FBXO16: variants seen among roughly 807,000 people sequenced by gnomAD.
FBXO16 encodes the protein F-box only protein 16.
FBXO16 carries 31 observed loss-of-function variants against 41.0 expected under a neutral mutation model. The observed-to-expected ratio is 0.76, with a 90% CI of 0.57 to 1.02. The LOEUF is 1.02. Among genes scored for constraint, FBXO16 ranks in the 50% least tolerant of loss-of-function variants. The pLI, the probability that FBXO16 is intolerant of heterozygous loss-of-function variation, is 0.00. For synonymous variants in FBXO16, 133 were observed against 117.8 expected, an observed-to-expected ratio of 1.13 and a Z score of -0.84; for missense variants, 361 against 346.2, an observed-to-expected ratio of 1.04 and a Z score of -0.34.
At chr8:28,481,528 C>T (rs1388971364) in intron 2 of FBXO16, among the ~76,000 whole-genome samples, 1 of 152,086 alleles carries the variant, frequency 6.6e-6, no homozygotes, top group Non-Finnish European at 1.5e-5. Context: ...CCTGAGCATT[C>T]GTGGCGAGTG....
chr8:28,448,745 G>A lies in FBXO16; in HGVS notation c.741-1472C>T, dbSNP rs140318151. On this transcript the variant is annotated intron_variant, in intron 6 of 8. Transcript: ENST00000380254. The stretch of plus-strand genomic sequence containing the variant: ...TTTCTAAAACTCCTGTATGTATTAC[G>A]ATAAAGCAAGGATCCTCCAACCACA... 4.1e-3 allele frequency among the ~76,000 whole-genome samples: 628 copies of A among 152,212 alleles called. 3 individuals carry two copies. Among genetic ancestry groups the A allele is most frequent in the African/African-American group, 0.014 (598 of 41,524 alleles).
In FBXO16 at chr8:28,463,806, T is replaced by C. The variant is rs1316305672; in HGVS notation, c.148A>G (p.Thr50Ala). ...AGGATTCTTCTTCTTTGAGAGTCTG[T>C]CCATTTGTCAAACTGGAAACACAAA... ...ALLGKWFDKW[T>A]DSQRRRILTG... The change falls in exon 4 of 9, where the codon ACA becomes GCA. Residue 50 changes from threonine to alanine, a missense_variant. Thr to Ala is a moderately conservative substitution (Grantham distance 58). Transcript: ENST00000380254. 17 of 1,613,670 alleles carry C rather than the reference T, an allele frequency of 1.1e-5. No homozygotes were observed. The highest frequency in any genetic ancestry group is 1.3e-5 in the Non-Finnish European group (15 of 1,179,888).
chr8:28,477,599 T>C (rs7015592), intron 2 of FBXO16, among the ~76,000 whole-genome samples: 2,218 of 152,346 alleles, frequency 0.015, 59 homozygotes, highest in African/African-American at 0.05. Flanking sequence ...ATACGATACA[T>C]ATTTATGTTC....
At chr8:28,440,162 G>A (rs1802747499) in intron 7 of FBXO16, among the ~76,000 whole-genome samples, 1 of 151,902 alleles carries the variant, frequency 6.6e-6, no homozygotes, top group Non-Finnish European at 1.5e-5. Flanking sequence ...GAATGCAGTG[G>A]CACAATCATG....
At position 28,429,399 on chromosome 8, in the gene FBXO16, G is replaced by A. The variant is rs764236550; in HGVS notation, c.848C>T (p.Ser283Leu). ...TRLRKAQSMM[S>L]RRNPFPLCP ...TCACAGTGGGAAGGGATTTCTCCTC[G>A]ACATCTGGCCGCGAGCAGGAAAGGG... is the stretch of plus-strand genomic sequence containing the variant. Residue 283 changes from serine to leucine, a missense_variant, in exon 8 of 9, where the codon TCG (serine) becomes TTG (leucine). Transcript: ENST00000380254. 3.5e-5 allele frequency: 57 copies of A among 1,613,776 alleles called. No homozygotes were observed. The highest frequency in any genetic ancestry group is 1.2e-4 in the Admixed American group (7 of 59,978).
chr8:28,472,504 G>C (rs552410710), intron 3 of FBXO16, among the ~76,000 whole-genome samples: 7 of 152,182 alleles, frequency 4.6e-5, no homozygotes, highest in South Asian at 4.2e-4. Flanking sequence ...GGAGGTCAAG[G>C]GGGGGCGGGG....
chr8:28,473,727 CAGAT>C (rs1175049753), intron 3 of FBXO16, 41 bp downstream of exon 3: 4 of 1,519,256 alleles, frequency 2.6e-6, no homozygotes, highest in Non-Finnish European at 3.6e-6. Flanking sequence ...AAGATGAAAA[CAGAT>C]AACATAACAT....
intron 1 of FBXO16, among the ~76,000 whole-genome samples, chr8:28,489,558 GGT>G (rs1318563061): frequency 2.0e-5 from 3 of 151,542 alleles, no homozygotes; most frequent in East Asian, 1.9e-4. Context: ...GCCAGGTGTG[GGT>G]GTGGCGGTGG....
At chr8:28,443,023 C>T (rs1034775157) in intron 7 of FBXO16, among the ~76,000 whole-genome samples, 1 of 143,072 alleles carries the variant, frequency 7.0e-6, no homozygotes, top group Non-Finnish European at 1.5e-5. Flanking sequence ...ATTACTTGTA[C>T]TTTTTTTTTT....
At chr8:28,484,838 C>A (rs572959949) in intron 1 of FBXO16, among the ~76,000 whole-genome samples, 231 of 152,116 alleles carry the variant, frequency 1.5e-3, no homozygotes, top group Admixed American at 2.9e-3. Flanking sequence ...CATGATCCAC[C>A]CCCCCTGGGC....
At chr8:28,435,026 C>T (rs898006611) in intron 7 of FBXO16, among the ~76,000 whole-genome samples, 1 of 152,214 alleles carries the variant, frequency 6.6e-6, no homozygotes, top group Non-Finnish European at 1.5e-5. Flanking sequence ...CTGGCCCTGT[C>T]GTGTGGGGCA....
At chr8:28,461,144 G>A (rs944599335) in intron 4 of FBXO16, among the ~76,000 whole-genome samples, 4 of 146,760 alleles carry the variant, frequency 2.7e-5, no homozygotes, top group African/African-American at 1.0e-4. Context: ...TATTTACCCA[G>A]TCCCTCCTGG....
At chr8:28,435,124 C>T (rs1802668355) in intron 7 of FBXO16, among the ~76,000 whole-genome samples, 1 of 151,984 alleles carries the variant, frequency 6.6e-6, no homozygotes, top group African/African-American at 2.4e-5. Context: ...TGCCCAGCAT[C>T]CGAGAAGAAT....
At chr8:28,481,571 G>A (rs976696868) in intron 2 of FBXO16, among the ~76,000 whole-genome samples, 3 of 151,836 alleles carry the variant, frequency 2.0e-5, no homozygotes, top group Non-Finnish European at 4.4e-5. Flanking sequence ...CAGCACTTTG[G>A]AAGGCTGAGG....
chr8:28,454,338 T>A (rs892256407), intron 5 of FBXO16, among the ~76,000 whole-genome samples: 5 of 151,706 alleles, frequency 3.3e-5, no homozygotes, highest in African/African-American at 1.2e-4. Flanking sequence ...CTGGAAGAGG[T>A]CTAGTTTAAT....
chr8:28,478,900 G>A (rs1001307277), intron 2 of FBXO16, among the ~76,000 whole-genome samples: 24 of 151,830 alleles, frequency 1.6e-4, no homozygotes, highest in African/African-American at 5.8e-4. Flanking sequence ...TCATGGGGGC[G>A]GTTTGTCATG....
chr8:28,444,562 C>T (rs1802831688), intron 7 of FBXO16, among the ~76,000 whole-genome samples: 1 of 150,362 alleles, frequency 6.7e-6, no homozygotes, highest in African/African-American at 2.4e-5. Flanking sequence ...TCACTGCAGC[C>T]TCCGCCCTGG....
intron 2 of FBXO16, among the ~76,000 whole-genome samples, chr8:28,476,712 T>C (rs1417745213): frequency 6.6e-6 from 1 of 152,176 alleles, no homozygotes; most frequent in Non-Finnish European, 1.5e-5. Flanking sequence ...ATCATTACAA[T>C]GTAGGAGTGA....
At position 28,463,656 on chromosome 8, in the gene FBXO16, T is replaced by C. The variant is rs764326103; in HGVS notation, c.298A>G (p.Ile100Val). 1.5e-5 allele frequency: 25 copies of C among 1,614,146 alleles called. No individual in the cohort carries two copies. The highest frequency in any genetic ancestry group is 1.9e-5 in the Non-Finnish European group (23 of 1,180,012). ...TKLPRVLSLY[I>V]FSFLDPRSLC... Reference sequence around the variant, plus strand: ...CTCCGAGGGTCCAGGAAAGAAAAGATGTATAAAGATAACACCCTTGGAAGC... The same window carrying C: ...CTCCGAGGGTCCAGGAAAGAAAAGACGTATAAAGATAACACCCTTGGAAGC... The change falls in exon 4 of 9, where the codon ATC becomes GTC. Residue 100 changes from isoleucine to valine, a missense_variant. Ile to Val is a conservative substitution (Grantham distance 29). Transcript: ENST00000380254.
Sources: gnomAD v4.1 joint callset for allele counts (sites outside exome capture counted in the v4.1 genomes callset) on GRCh38, gnomAD v4.1.1 for gene constraint, MANE v1.5 for transcripts, NCBI Gene and HGNC (gene_info 2026-07-23, HGNC 2026-07-21) for gene names.